Variants in MYH9 observed in about 807,000 individuals in gnomAD.
MYH9 encodes myosin heavy chain 9.
Under a neutral mutation model 241.9 loss-of-function variants are expected in MYH9, and 29 were observed. The observed-to-expected ratio is 0.12, with a 90% CI of 0.09 to 0.16. The LOEUF (loss-of-function observed/expected upper bound fraction) is 0.16. Ranked by LOEUF, MYH9 falls within the 10% of genes least tolerant of loss-of-function variation. The pLI is 1.00. For synonymous variants in MYH9, 1,047 were observed against 1,062.6 expected (o/e 0.99, Z 0.29); for missense variants, 1,803 against 2,595.5 (o/e 0.69, Z 6.63).
At chr22:36,353,519 G>C (rs1250722383) in intron 1 of MYH9, among the ~76,000 whole-genome samples, 1 of 151,716 alleles carries the variant, frequency 6.6e-6, no homozygotes, top group Admixed American at 6.6e-5. Flanking sequence ...CACCACCACA[G>C]CCGGCTAATT....
chr22:36,370,673 G>A (rs2018076028), intron 1 of MYH9, among the ~76,000 whole-genome samples: 1 of 152,226 alleles, frequency 6.6e-6, no homozygotes, highest in Admixed American at 6.5e-5. Flanking sequence ...TAACAGAGGG[G>A]AGGAGCCACC....
intron 31 of MYH9, 130 bp from the exon 32 acceptor site, chr22:36,289,427 AG>A: frequency 1.2e-6 from 1 of 816,332 alleles, no homozygotes; most frequent in Non-Finnish European, 2.0e-6. Context: ...TAGGAAGCAC[AG>A]GCCCAGGGCT....
In MYH9 at chr22:36,294,927, C is replaced by T. The variant is rs751605603; in HGVS notation, c.3630+5G>A. 19 of 1,612,120 alleles carry T rather than the reference C, an allele frequency of 1.2e-5. No individual in the cohort carries two copies. Among genetic ancestry groups the T allele is most frequent in the African/African-American group, 6.7e-5 (5 of 74,910 alleles). The stretch of plus-strand genomic sequence containing the variant: ...TCCCCCTGCGGTCTCAGGGAGGCTC[C>T]GCACCCGCTTCGTCTGCTCCAGCTG... On this transcript the variant is annotated splice_donor_5th_base_variant and intron_variant, in intron 27 of 40. Transcript: ENST00000216181.
intron 1 of MYH9, among the ~76,000 whole-genome samples, chr22:36,384,042 C>T (rs543471955): frequency 6.0e-5 from 9 of 150,666 alleles, no homozygotes; most frequent in African/African-American, 1.5e-4. Flanking sequence ...AGGTCGAGGC[C>T]GGTGGATCGC....
intron 3 of MYH9, among the ~76,000 whole-genome samples, chr22:36,338,546 G>A (rs918497880): frequency 2.6e-5 from 4 of 151,176 alleles, no homozygotes; most frequent in Non-Finnish European, 5.9e-5. Flanking sequence ...CTGGCTGGGT[G>A]CGGTGGCTCA....
intron 12 of MYH9, 133 bp downstream of exon 12, chr22:36,316,384 C>A (rs1383562250): frequency 3.0e-6 from 4 of 1,350,234 alleles, no homozygotes; most frequent in Non-Finnish European, 4.2e-6. Flanking sequence ...CCACACCCAA[C>A]CAAAGTCTTC....
At position 36,294,928 on chromosome 22, in the gene MYH9, G is replaced by C. The variant is rs757310410; in HGVS notation, c.3630+4C>G. On this transcript the variant is annotated splice_donor_region_variant and intron_variant, in intron 27 of 40. Coordinates refer to ENST00000216181, the MANE Select transcript of MYH9 (RefSeq NM_002473.6). ...CCCCCTGCGGTCTCAGGGAGGCTCC[G>C]CACCCGCTTCGTCTGCTCCAGCTGC... The C allele has an allele frequency of 6.2e-7, 1 of 1,612,304 alleles. No homozygotes were observed.
intron 1 of MYH9, among the ~76,000 whole-genome samples, chr22:36,359,556 T>A (rs2017904891): frequency 6.6e-6 from 1 of 152,244 alleles, no homozygotes; most frequent in Non-Finnish European, 1.5e-5. Flanking sequence ...GGGCTTTCAA[T>A]CTACAAAGAG....
At chr22:36,318,155 C>G in intron 11 of MYH9, 52 bp downstream of exon 11, 1 of 1,495,178 alleles carries the variant, frequency 6.7e-7, no homozygotes, top group Non-Finnish European at 9.3e-7. Context: ...TGTGCTGCTG[C>G]AGGGACATTC....
chr22:36,351,787 C>T (rs1224340758), intron 1 of MYH9, among the ~76,000 whole-genome samples: 1 of 152,008 alleles, frequency 6.6e-6, no homozygotes, highest in Non-Finnish European at 1.5e-5. Flanking sequence ...AGCAGAGAGA[C>T]TCACTTGAAC....
chr22:36,373,758 T>C (rs913582057), intron 1 of MYH9, among the ~76,000 whole-genome samples: 1 of 152,224 alleles, frequency 6.6e-6, no homozygotes, highest in South Asian at 2.1e-4. Flanking sequence ...TGAATGAATT[T>C]CCAAGACTCA....
chr22:36,325,080 T>C (rs1485789384), intron 5 of MYH9: 1 of 775,070 alleles, frequency 1.3e-6, no homozygotes, highest in Admixed American at 1.7e-5. Context: ...AAAGCACAGC[T>C]AGAGAACTCC....
At position 36,292,092 on chromosome 22, in the gene MYH9, T is replaced by C. The variant is rs1438096415; in HGVS notation, c.4238A>G (p.Lys1413Arg). ...CTCCTGCTGCAGCCGCGTCTTGGTCTTCTCCAGCTTGTCGTAGGCGGCCAC... is the reference window on the plus strand; with the variant it reads ...CTCCTGCTGCAGCCGCGTCTTGGTCCTCTCCAGCTTGTCGTAGGCGGCCAC... ...EKVAAYDKLE[K>R]TKTRLQQELD... Residue 1413 changes from lysine to arginine, a missense_variant, in exon 31 of 41, where the codon AAG (lysine) becomes AGG (arginine). Transcript: ENST00000216181. The C allele has an allele frequency of 6.2e-7, 1 of 1,614,188 alleles. No homozygotes were observed. The highest frequency in any genetic ancestry group is 8.5e-7 in the Non-Finnish European group (1 of 1,180,050).
rs2017398112 is a variant in MYH9, at chr22:36,330,041, G to GCA, written c.491-2555_491-2554dup. ...AACATACATGTATGTACATAGCCAT[G>GCA]CACACACACGGATGTATGCACAGGC... On this transcript the variant is annotated intron_variant, in intron 3 of 40. Transcript: ENST00000216181. The surrounding 1 kb of genome is among the most constrained non-coding windows in gnomAD (Gnocchi z 4.5). 6.6e-6 allele frequency among the ~76,000 whole-genome samples: 1 copy of GCA among 152,196 alleles called. No individual in the cohort carries two copies. Among genetic ancestry groups the GCA allele is most frequent in the East Asian group, 1.9e-4 (1 of 5,196 alleles).
chr22:36,284,324 T>G, intron 39 of MYH9, 59 bp from the exon 40 acceptor site: 1 of 1,604,206 alleles, frequency 6.2e-7, no homozygotes, highest in South Asian at 1.1e-5. Context: ...GTGCAGCCAG[T>G]CAGCCCCACT....
At chr22:36,366,823 G>C (rs111569744) in intron 1 of MYH9, among the ~76,000 whole-genome samples, 63 of 152,268 alleles carry the variant, frequency 4.1e-4, no homozygotes, top group African/African-American at 1.4e-3. Flanking sequence ...TGGAGCTACA[G>C]TGATGAGCCC....
At position 36,380,271 on chromosome 22, in the gene MYH9, T is replaced by C. The variant is rs1271725083; in HGVS notation, c.-20+7536A>G. Among the ~76,000 whole-genome samples, 4 of 152,230 alleles carry C rather than the reference T, an allele frequency of 2.6e-5. No individual in the cohort carries two copies. The East Asian group carries it at 5.8e-4, about 22-fold the overall frequency. On this transcript the variant is annotated intron_variant, in intron 1 of 40. Coordinates refer to ENST00000216181, the MANE Select transcript of MYH9 (RefSeq NM_002473.6). ...CATCCAAGGCGAAAGACAGCCATCCTTGAGAAGGGGGGTAGGGCCCTCCCA... is the reference window on the plus strand; with the variant it reads ...CATCCAAGGCGAAAGACAGCCATCCCTGAGAAGGGGGGTAGGGCCCTCCCA...
rs372262711 is a variant in MYH9 at position 36,322,456 on chromosome 22, G to A, written c.678C>T (p.Thr226=). 71 of 1,613,946 alleles carry A rather than the reference G, an allele frequency of 4.4e-5. No individual in the cohort carries two copies. The African/African-American group carries it at 6.0e-4, about 14-fold the overall frequency. Reference sequence around the variant, plus strand: ...AGCGGGAGGAGTTGTCATTCTTCACGGTCTTGGCGTTCCCGAAGGCCTCCA... The same window carrying A: ...AGCGGGAGGAGTTGTCATTCTTCACAGTCTTGGCGTTCCCGAAGGCCTCCA... The part of the protein sequence containing the change: ...PILEAFGNAK[T]VKNDNSSRFG... The change falls in exon 6 of 41, where the codon ACC becomes ACT. Residue 226 remains threonine (T), a synonymous_variant. Coordinates refer to ENST00000216181, the MANE Select transcript of MYH9 (RefSeq NM_002473.6).
chr22:36,363,455 CAGAG>C (rs1179665635), intron 1 of MYH9, among the ~76,000 whole-genome samples: 1 of 152,070 alleles, frequency 6.6e-6, no homozygotes, highest in Non-Finnish European at 1.5e-5. Flanking sequence ...GAGGGAGAGA[CAGAG>C]GGAGGCAGGA....
Sources: allele counts gnomAD v4.1 joint callset (sites outside exome capture counted in the v4.1 genomes callset), GRCh38; gene constraint gnomAD v4.1.1; non-coding constraint Gnocchi (gnomAD v3.1); transcripts MANE v1.5; gene names NCBI Gene and HGNC (gene_info 2026-07-23, HGNC 2026-07-21).